Variants in TTC28 observed in about 807,000 individuals in gnomAD.
The protein encoded by TTC28 is tetratricopeptide repeat protein 28.
A neutral mutation model predicts 198.0 loss-of-function variants in TTC28; 61 were observed. The ratio of observed to expected loss-of-function variants is 0.31; its 90% CI spans 0.25 to 0.38. The LOEUF (loss-of-function observed/expected upper bound fraction) is 0.38, where lower values mean the gene tolerates loss of function less well. TTC28 is among the 10% of genes least tolerant of loss of function. The pLI, the probability that TTC28 is intolerant of heterozygous loss-of-function variation, is 1.00. For missense variants in TTC28, 2,678 were observed against 3,164.0 expected (o/e 0.85, Z 3.69); for synonymous variants, 1,171 against 1,297.8 (o/e 0.90, Z 2.10).
At chr22:28,534,900 C>A (rs1030444901) in intron 2 of TTC28, among the ~76,000 whole-genome samples, 1 of 141,240 alleles carries the variant, frequency 7.1e-6, no homozygotes, top group Non-Finnish European at 1.5e-5. Context: ...CATCACACAC[C>A]GGGACGTGTT....
At chr22:28,036,373 AC>A (rs1471838841) in intron 12 of TTC28, among the ~76,000 whole-genome samples, 2 of 152,232 alleles carry the variant, frequency 1.3e-5, no homozygotes, top group Non-Finnish European at 1.5e-5. Flanking sequence ...CTCACTCAAA[AC>A]CGGACAACTA....
At chr22:28,493,088 G>A (rs1157063893) in intron 2 of TTC28, among the ~76,000 whole-genome samples, 1 of 151,398 alleles carries the variant, frequency 6.6e-6, no homozygotes, top group Non-Finnish European at 1.5e-5. Flanking sequence ...TGGGTGCAGA[G>A]GCTCACGCCT....
intron 1 of TTC28, among the ~76,000 whole-genome samples, chr22:28,652,197 C>T (rs899039645): frequency 6.6e-6 from 1 of 152,154 alleles, no homozygotes; most frequent in Non-Finnish European, 1.5e-5. Flanking sequence ...TGTATCTATA[C>T]ATATTTTAAA....
intron 2 of TTC28, among the ~76,000 whole-genome samples, chr22:28,583,097 G>A (rs911313594): frequency 2.0e-5 from 3 of 152,036 alleles, no homozygotes; most frequent in Non-Finnish European, 2.9e-5. Context: ...CTGTTGCCTA[G>A]CGATCTCAAT....
chr22:28,591,911 T>C (rs967074861), intron 2 of TTC28, among the ~76,000 whole-genome samples: 1 of 152,050 alleles, frequency 6.6e-6, no homozygotes, highest in Non-Finnish European at 1.5e-5. Context: ...GTAAACAACA[T>C]AGCTGAAAAG....
intron 5 of TTC28, among the ~76,000 whole-genome samples, chr22:28,187,204 G>C (rs1924282268): frequency 6.6e-6 from 1 of 151,932 alleles, no homozygotes; most frequent in Admixed American, 6.6e-5. Flanking sequence ...ATTGACCGAG[G>C]GTAAGAGGTT....
chr22:28,163,327 A>G lies in TTC28; in HGVS notation c.1206T>C (p.Ser402=). ...EEARAYSNLG[S]AYHYRRNFDK... Reference sequence around the variant, plus strand: ...CAAAGTTCCTCCGGTAGTGATAGGCACTGCCCAGGTTGCTATAAGCCCGGG... The same window carrying G: ...CAAAGTTCCTCCGGTAGTGATAGGCGCTGCCCAGGTTGCTATAAGCCCGGG... The change falls in exon 6 of 23, where the codon AGT becomes AGC. Residue 402 remains serine, a synonymous_variant. Transcript: ENST00000397906. The G allele has an allele frequency of 1.3e-6, 2 of 1,552,098 alleles. No individual in the cohort carries two copies. Among genetic ancestry groups the G allele is most frequent in the Non-Finnish European group, 1.7e-6 (2 of 1,147,074 alleles).
chr22:28,401,232 TGACGACGAC>T (rs879357486), intron 2 of TTC28, among the ~76,000 whole-genome samples: 148 of 151,386 alleles, frequency 9.8e-4, no homozygotes, highest in Middle Eastern at 3.4e-3. Flanking sequence ...ACGACGACGA[TGACGACGAC>T]GACGACGACA....
intron 14 of TTC28, among the ~76,000 whole-genome samples, chr22:28,014,010 C>A (rs1447396105): frequency 6.6e-6 from 1 of 152,142 alleles, no homozygotes; most frequent in East Asian, 1.9e-4. Context: ...GGGCTTGAAC[C>A]CAGATTTGCA....
chr22:28,467,535 G>A (rs561141972), intron 2 of TTC28, among the ~76,000 whole-genome samples: 6 of 152,200 alleles, frequency 3.9e-5, no homozygotes, highest in African/African-American at 7.2e-5. Flanking sequence ...TGAGGCAGCT[G>A]TAGTAGCAAT....
intron 2 of TTC28, among the ~76,000 whole-genome samples, chr22:28,617,231 T>G (rs2146172471): frequency 6.6e-6 from 1 of 152,052 alleles, no homozygotes; most frequent in South Asian, 2.1e-4. Flanking sequence ...CAGGTCTTGG[T>G]GGCTCACGCC....
At chr22:28,313,141 A>T (rs1252231269) in intron 2 of TTC28, among the ~76,000 whole-genome samples, 1 of 152,166 alleles carries the variant, frequency 6.6e-6, no homozygotes, top group African/African-American at 2.4e-5. Flanking sequence ...TGACACGTAC[A>T]CTCACCCAAG....
intron 2 of TTC28, among the ~76,000 whole-genome samples, chr22:28,608,599 A>G (rs1052847138): frequency 2.0e-5 from 3 of 152,224 alleles, no homozygotes; most frequent in African/African-American, 7.2e-5. Flanking sequence ...AAAAATGTGC[A>G]GTACTGTGTG....
Position 28,575,354 on chromosome 22 carries a change from C to T in TTC28, c.381+54198G>A, listed in dbSNP as rs777898988. On this transcript the variant is annotated intron_variant, in intron 2 of 22. Coordinates refer to ENST00000397906, the MANE Select transcript of TTC28 (RefSeq NM_001145418.2). Reference sequence around the variant, plus strand: ...CTGCAGATGTACGGATTTGTTTCTACGCTCCCTATTCTGTTCCATTGGTCT... The same window carrying T: ...CTGCAGATGTACGGATTTGTTTCTATGCTCCCTATTCTGTTCCATTGGTCT... Among the ~76,000 whole-genome samples the T allele has an allele frequency of 9.9e-5, 15 of 152,134 alleles. No individual in the cohort carries two copies. The East Asian group carries it at 2.7e-3, about 27-fold the overall frequency.
At chr22:28,598,564 T>C (rs1555899449) in intron 2 of TTC28, among the ~76,000 whole-genome samples, 2 of 149,148 alleles carry the variant, frequency 1.3e-5, no homozygotes, top group Non-Finnish European at 3.0e-5. Context: ...GGAGGTAAGT[T>C]ACCTGAAGAT....
chr22:28,528,197 A>T (rs928793810), intron 2 of TTC28, among the ~76,000 whole-genome samples: 1 of 152,202 alleles, frequency 6.6e-6, no homozygotes, highest in Non-Finnish European at 1.5e-5. Context: ...TCTTTTCTTC[A>T]GTTTCATAAA....
chr22:28,490,687 C>A (rs141018135), intron 2 of TTC28, among the ~76,000 whole-genome samples: 1 of 152,156 alleles, frequency 6.6e-6, no homozygotes, highest in Admixed American at 6.5e-5. Context: ...TAATAGAGGA[C>A]CACAAGATGG....
chr22:28,098,503 G>A (rs1942038624), intron 10 of TTC28, among the ~76,000 whole-genome samples: 1 of 152,148 alleles, frequency 6.6e-6, no homozygotes, highest in African/African-American at 2.4e-5. Context: ...CCTGAGCCCA[G>A]GAGTTCGAGA....
At chr22:28,246,722 A>AATCT in intron 5 of TTC28, among the ~76,000 whole-genome samples, 2 of 152,188 alleles carry the variant, frequency 1.3e-5, no homozygotes, top group Non-Finnish European at 2.9e-5. Context: ...ACAATCTAGT[A>AATCT]AGTGGTGTAG....
Sources: gnomAD v4.1 joint callset for allele counts (sites outside exome capture counted in the v4.1 genomes callset) on GRCh38, gnomAD v4.1.1 for gene constraint, MANE v1.5 for transcripts, NCBI Gene and HGNC (gene_info 2026-07-23, HGNC 2026-07-21) for gene names.